The following GRIN2A variants were observed in gnomAD, a reference collection of about 807,000 sequenced individuals.
GRIN2A encodes the protein glutamate ionotropic receptor NMDA type subunit 2A.
GRIN2A carries 22 observed loss-of-function variants against 113.4 expected under a neutral mutation model. The observed-to-expected ratio is 0.19, with a 90% CI of 0.14 to 0.28. The LOEUF (loss-of-function observed/expected upper bound fraction) is 0.28, where lower values mean the gene tolerates loss of function less well. GRIN2A is among the 10% of genes least tolerant of loss of function. The pLI is 1.00. For synonymous variants in GRIN2A, 827 were observed against 738.4 expected, an observed-to-expected ratio of 1.12 and a Z score of -1.94; for missense variants, 1,502 against 1,887.0, an observed-to-expected ratio of 0.80 and a Z score of 3.78.
intron 11 of GRIN2A, among the ~76,000 whole-genome samples, chr16:9,780,800 G>A (rs1901892183): frequency 6.6e-6 from 1 of 152,186 alleles, no homozygotes; most frequent in African/African-American, 2.4e-5. Context: ...AATAAGGAAA[G>A]TTGAAGAAAA....
rs150020643 is a variant in GRIN2A at position 10,033,138 on chromosome 16, T to A, written c.415-94587A>T. Among the ~76,000 whole-genome samples the A allele has an allele frequency of 7.4e-3, 1,128 of 152,308 alleles. 5 individuals are homozygous for A. The highest frequency in any genetic ancestry group is 0.014 in the Middle Eastern group (4 of 294). ...GATGCATGTATCTGACACCCCCACCTACCAACCGTGAACTGTTATAATTCC... is the reference window on the plus strand; with the variant it reads ...GATGCATGTATCTGACACCCCCACCAACCAACCGTGAACTGTTATAATTCC... On this transcript the variant is annotated intron_variant, in intron 2 of 12. Coordinates refer to ENST00000330684, the MANE Select transcript of GRIN2A (RefSeq NM_001134407.3).
At chr16:10,173,989 A>C (rs1332989049) in intron 2 of GRIN2A, among the ~76,000 whole-genome samples, 1 of 152,242 alleles carries the variant, frequency 6.6e-6, no homozygotes, top group Non-Finnish European at 1.5e-5. Flanking sequence ...AAATAAGAAA[A>C]GAGAATCACA....
chr16:10,115,128 A>T (rs8061598), intron 2 of GRIN2A, among the ~76,000 whole-genome samples: 4 of 152,200 alleles, frequency 2.6e-5, no homozygotes, highest in Non-Finnish European at 5.9e-5. Context: ...TTGCAATTGT[A>T]TATAAAGTAA....
chr16:9,887,509 G>A (rs1567373571), intron 4 of GRIN2A, among the ~76,000 whole-genome samples: 1 of 152,084 alleles, frequency 6.6e-6, no homozygotes, highest in Non-Finnish European at 1.5e-5. Context: ...ATTCATCCAT[G>A]TTGTTGTACA....
intron 2 of GRIN2A, among the ~76,000 whole-genome samples, chr16:9,972,058 A>T (rs2045683005): frequency 6.6e-6 from 1 of 151,964 alleles, no homozygotes; most frequent in Non-Finnish European, 1.5e-5. Flanking sequence ...GAATATAAAA[A>T]CCCCAGAAAG....
At chr16:9,974,653 G>A (rs926751822) in intron 2 of GRIN2A, among the ~76,000 whole-genome samples, 1 of 152,160 alleles carries the variant, frequency 6.6e-6, no homozygotes, top group Non-Finnish European at 1.5e-5. Flanking sequence ...CCTGCTACAA[G>A]GGGAATGAGT....
At chr16:9,983,724 C>A (rs1205563435) in intron 2 of GRIN2A, among the ~76,000 whole-genome samples, 1 of 152,166 alleles carries the variant, frequency 6.6e-6, no homozygotes, top group Non-Finnish European at 1.5e-5. Context: ...CAGGTGTGAG[C>A]CACCGCGCCC....
chr16:9,764,311 T>C lies in GRIN2A; in HGVS notation c.3233A>G (p.Lys1078Arg). Residue 1078 changes from lysine (K) to arginine (R), a missense_variant, in exon 13 of 13, where the codon AAG (lysine) becomes AGG (arginine). Coordinates refer to ENST00000330684, the MANE Select transcript of GRIN2A (RefSeq NM_001134407.3). ...AAAGTTGTCCTTGGTTTTGTGGTTCTTACTGTTGTCAGGTTCCCTGTGGCA... is the reference window on the plus strand; with the variant it reads ...AAAGTTGTCCTTGGTTTTGTGGTTCCTACTGTTGTCAGGTTCCCTGTGGCA... The part of the protein sequence containing the change: ...ATCHREPDNS[K>R]NHKTKDNFKR... 3 of 1,614,142 alleles carry C rather than the reference T, an allele frequency of 1.9e-6. No individual in the cohort carries two copies. Among genetic ancestry groups the C allele is most frequent in the African/African-American group, 1.3e-5 (1 of 75,036 alleles).
At chr16:10,015,385 A>G (rs2046591494) in intron 2 of GRIN2A, among the ~76,000 whole-genome samples, 2 of 152,002 alleles carry the variant, frequency 1.3e-5, no homozygotes, top group African/African-American at 4.8e-5. Flanking sequence ...AAGATCCACA[A>G]TGTCTATAAA....
At chr16:10,074,930 C>A (rs965358707) in intron 2 of GRIN2A, among the ~76,000 whole-genome samples, 1 of 152,138 alleles carries the variant, frequency 6.6e-6, no homozygotes, top group South Asian at 2.1e-4. Flanking sequence ...ACTTATTGAC[C>A]AATTTCTCCT....
chr16:10,103,957 G>A (rs1338943131), intron 2 of GRIN2A, among the ~76,000 whole-genome samples: 1 of 152,074 alleles, frequency 6.6e-6, no homozygotes, highest in Admixed American at 6.5e-5. Context: ...TGTTATTCAG[G>A]AACCACTTCC....
intron 4 of GRIN2A, among the ~76,000 whole-genome samples, chr16:9,850,908 C>T (rs547749750): frequency 1.3e-5 from 2 of 152,260 alleles, no homozygotes; most frequent in South Asian, 2.1e-4. Context: ...AAGCTGCCCC[C>T]GCACCGCTCT....
At chr16:10,035,854 G>C (rs2047015649) in intron 2 of GRIN2A, among the ~76,000 whole-genome samples, 1 of 151,890 alleles carries the variant, frequency 6.6e-6, no homozygotes, top group African/African-American at 2.4e-5. Context: ...CTTCCCAGTA[G>C]CTAGGACTAC....
At chr16:9,808,916 CA>C (rs2042033548) in intron 10 of GRIN2A, among the ~76,000 whole-genome samples, 2 of 151,612 alleles carry the variant, frequency 1.3e-5, no homozygotes, top group Non-Finnish European at 2.9e-5. Context: ...CCCACCCCCC[CA>C]AAAAAAGTCT....
In GRIN2A at chr16:10,147,641, A is replaced by C. The variant is rs796616155; in HGVS notation, c.414+32357T>G. Among the ~76,000 whole-genome samples, 479 of 150,396 alleles carry C rather than the reference A, an allele frequency of 3.2e-3. 4 individuals are homozygous for C. The highest frequency in any genetic ancestry group is 0.011 in the African/African-American group (462 of 40,548). ...AACACAGTGAGGCCCTGTCTCAAAAAAAAAAAAAAAAGAAGAAGAAGAAGA... is the reference window on the plus strand; with the variant it reads ...AACACAGTGAGGCCCTGTCTCAAAACAAAAAAAAAAAGAAGAAGAAGAAGA... On this transcript the variant is annotated intron_variant, in intron 2 of 12. Transcript: ENST00000330684.
chr16:10,055,117 A>G (rs2047434859), intron 2 of GRIN2A, among the ~76,000 whole-genome samples: 1 of 145,046 alleles, frequency 6.9e-6, no homozygotes, highest in Non-Finnish European at 1.5e-5. Context: ...AAAAAGAAAA[A>G]AAAAACAGTA....
intron 5 of GRIN2A, among the ~76,000 whole-genome samples, chr16:9,841,709 C>A (rs1324269512): frequency 1.3e-5 from 2 of 152,150 alleles, no homozygotes; most frequent in Non-Finnish European, 2.9e-5. Flanking sequence ...CTTGATAGAG[C>A]CAAATGTTAC....
At chr16:9,913,271 G>A (rs1003454381) in intron 3 of GRIN2A, among the ~76,000 whole-genome samples, 1 of 152,078 alleles carries the variant, frequency 6.6e-6, no homozygotes, top group African/African-American at 2.4e-5. Flanking sequence ...TCTCCTCTAG[G>A]GAAACATTTC....
intron 2 of GRIN2A, among the ~76,000 whole-genome samples, chr16:10,082,868 C>T (rs1004977600): frequency 6.6e-6 from 1 of 152,242 alleles, no homozygotes; most frequent in African/African-American, 2.4e-5. Flanking sequence ...GACATTCTCC[C>T]ACATGGGCTT....
Sources: allele counts gnomAD v4.1 joint callset (sites outside exome capture counted in the v4.1 genomes callset), GRCh38; gene constraint gnomAD v4.1.1; transcripts MANE v1.5; gene names NCBI Gene and HGNC (gene_info 2026-07-23, HGNC 2026-07-21).